Variants in CEP63 observed in about 807,000 individuals in gnomAD.
The protein encoded by CEP63 is centrosomal protein of 63 kDa.
A neutral mutation model predicts 89.1 loss-of-function variants in CEP63; 84 were observed. That is an observed-to-expected ratio of 0.94 (90% CI 0.79 to 1.13). The LOEUF (loss-of-function observed/expected upper bound fraction) is 1.13. Ranked by LOEUF, CEP63 falls within the 50% of genes most tolerant of loss-of-function variation. CEP63 has a pLI of 0.00. For missense variants in CEP63, 838 were observed against 813.3 expected (o/e 1.03, Z -0.37); for synonymous variants, 267 against 272.5 (o/e 0.98, Z 0.20).
chr3:134,673,651 C>T, the CEP63 span, among the ~76,000 whole-genome samples: 1 of 152,176 alleles, frequency 6.6e-6, no homozygotes, highest in Non-Finnish European at 1.5e-5. Flanking sequence ...ATTGTCTCAT[C>T]TCCATTCTTC....
the CEP63 span, among the ~76,000 whole-genome samples, chr3:134,769,008 G>C: frequency 6.6e-6 from 1 of 152,170 alleles, no homozygotes; most frequent in South Asian, 2.1e-4. Context: ...AGGAAACAGG[G>C]AACTCAGCCC....
At chr3:134,639,790 GAA>G in the CEP63 span, 3 of 135,460 alleles carry the variant, frequency 2.2e-5, no homozygotes, top group Non-Finnish European at 4.8e-5. Context: ...TACAAAAAAC[GAA>G]AAAAAAAAAA....
chr3:134,574,924 A>G (rs1352499105), exon 12 of CEP63: 1 of 493,884 alleles, frequency 2.0e-6, no homozygotes, highest in African/African-American at 2.0e-5. Flanking sequence ...AATTTTAACA[A>G]TTTGTCAATG....
At chr3:134,638,706 AC>A in the CEP63 span, among the ~76,000 whole-genome samples, 3 of 152,234 alleles carry the variant, frequency 2.0e-5, no homozygotes, top group Non-Finnish European at 4.4e-5. Flanking sequence ...CCACATGCTT[AC>A]TGCCCTGCCT....
the CEP63 span, among the ~76,000 whole-genome samples, chr3:134,652,630 G>C: frequency 1.3e-5 from 2 of 148,998 alleles, no homozygotes; most frequent in African/African-American, 5.0e-5. Context: ...GTCTGTATGT[G>C]TGCAGGTACA....
At chr3:134,770,323 G>T in the CEP63 span, among the ~76,000 whole-genome samples, 4 of 152,234 alleles carry the variant, frequency 2.6e-5, no homozygotes, top group African/African-American at 9.6e-5. Context: ...GTCCATGAGA[G>T]TCTGTGGATC....
the CEP63 span, among the ~76,000 whole-genome samples, chr3:134,777,388 CT>C: frequency 7.2e-5 from 11 of 151,992 alleles, no homozygotes; most frequent in African/African-American, 2.2e-4. Flanking sequence ...AGAAAATGAT[CT>C]TTTTTTTCAC....
intron 3 of CEP63, among the ~76,000 whole-genome samples, chr3:134,529,684 T>G (rs530581023): frequency 6.6e-6 from 1 of 151,714 alleles, no homozygotes; most frequent in Non-Finnish European, 1.5e-5. Flanking sequence ...TCTTTTCCTT[T>G]TTTGTAGAGA....
the CEP63 span, among the ~76,000 whole-genome samples, chr3:134,681,006 G>A: frequency 6.6e-6 from 1 of 152,238 alleles, no homozygotes. Flanking sequence ...AAGACAGGTG[G>A]CACTCGGGAC....
At chr3:134,777,308 C>A in the CEP63 span, among the ~76,000 whole-genome samples, 5 of 152,194 alleles carry the variant, frequency 3.3e-5, no homozygotes, top group Non-Finnish European at 7.3e-5. Context: ...ATACTTTAGA[C>A]TCTTTGTGAA....
chr3:134,781,984 C>T, the CEP63 span, among the ~76,000 whole-genome samples: 116 of 152,304 alleles, frequency 7.6e-4, no homozygotes, highest in African/African-American at 2.7e-3. Context: ...AAAGAGAATG[C>T]GTCCGATGTT....
chr3:134,650,559 A>G, the CEP63 span, among the ~76,000 whole-genome samples: 1 of 152,188 alleles, frequency 6.6e-6, no homozygotes, highest in Non-Finnish European at 1.5e-5. Context: ...CTGGGAGGAA[A>G]AAGACTCCCA....
downstream of CEP63, among the ~76,000 whole-genome samples, chr3:134,566,188 A>G (rs1215366817): frequency 6.6e-6 from 1 of 152,098 alleles, no homozygotes; most frequent in African/African-American, 2.4e-5. Flanking sequence ...TTGCCCATTA[A>G]GACCAGGTTC....
chr3:134,634,153 G>T, the CEP63 span, among the ~76,000 whole-genome samples: 3 of 152,198 alleles, frequency 2.0e-5, no homozygotes, highest in Admixed American at 2.0e-4. Context: ...TTATGGATTG[G>T]AAGACTTAAA....
the CEP63 span, among the ~76,000 whole-genome samples, chr3:134,681,005 G>A: frequency 6.6e-6 from 1 of 152,230 alleles, no homozygotes; most frequent in African/African-American, 2.4e-5. Flanking sequence ...CAAGACAGGT[G>A]GCACTCGGGA....
Position 134,558,127 on chromosome 3 carries a change from A to G in CEP63, c.1468-15A>G, listed in dbSNP as rs1197972672. On this transcript the variant is annotated splice_polypyrimidine_tract_variant and intron_variant, in intron 12 of 14. Transcript: ENST00000675561. The stretch of plus-strand genomic sequence containing the variant: ...CTTGTACAGATTAAGTGACTCTAGT[A>G]TTCTTTTTTATTAGGCAAAAGAGAT... 6.3e-7 allele frequency: 1 copy of G among 1,596,132 alleles called. No homozygotes were observed. The highest frequency in any genetic ancestry group is 8.6e-7 in the Non-Finnish European group (1 of 1,164,302).
At chr3:134,643,950 C>T in the CEP63 span, among the ~76,000 whole-genome samples, 13 of 152,094 alleles carry the variant, frequency 8.5e-5, no homozygotes, top group African/African-American at 2.4e-4. Flanking sequence ...CCTCCACCTC[C>T]GGAGCAGCTG....
intron 2 of CEP63, among the ~76,000 whole-genome samples, chr3:134,495,603 C>T (rs546074524): frequency 1.3e-5 from 2 of 152,058 alleles, no homozygotes; most frequent in Admixed American, 6.6e-5. Flanking sequence ...GCTAGTCACC[C>T]GACTGTGCTA....
intron 12 of CEP63, among the ~76,000 whole-genome samples, chr3:134,554,178 A>G (rs1419696570): frequency 6.6e-6 from 1 of 151,620 alleles, no homozygotes; most frequent in Non-Finnish European, 1.5e-5. Flanking sequence ...GGTGCACTGC[A>G]CCCACTAACT....
Sources: gnomAD v4.1 joint callset for allele counts (sites outside exome capture counted in the v4.1 genomes callset) on GRCh38, gnomAD v4.1.1 for gene constraint, MANE v1.5 for transcripts, NCBI Gene and HGNC (gene_info 2026-07-23, HGNC 2026-07-21) for gene names.